Variants in STPG2 observed in about 807,000 individuals in gnomAD.
STPG2 encodes sperm tail PG-rich repeat containing 2, also known as sperm-tail PG-rich repeat-containing protein 2.
STPG2 carries 56 observed loss-of-function variants against 54.2 expected under a neutral mutation model. The ratio of observed to expected loss-of-function variants is 1.03; its 90% CI spans 0.83 to 1.29. The LOEUF is 1.29. STPG2 is among the 50% of genes most tolerant of loss of function. STPG2 has a pLI of 0.00. For missense variants in STPG2, 596 were observed against 544.9 expected (o/e 1.09, Z -0.93); for synonymous variants, 200 against 181.8 (o/e 1.10, Z -0.81).
intron 8 of STPG2, among the ~76,000 whole-genome samples, chr4:97,894,040 A>T (rs958393394): frequency 3.3e-5 from 5 of 152,040 alleles, no homozygotes; most frequent in African/African-American, 4.8e-5. Context: ...TCAATTATAT[A>T]GAGTATAAAG....
rs556559633 is a variant in STPG2, at chr4:97,499,091, A to G, written c.462+213608T>C. Reference sequence around the variant, plus strand: ...TCACGAGCCCTAGGAAAATCAGGATAAGTCTAACTACAAACAACTTACGTA... The same window carrying G: ...TCACGAGCCCTAGGAAAATCAGGATGAGTCTAACTACAAACAACTTACGTA... On this transcript the variant is annotated intron_variant, in intron 4 of 4. Coordinates refer to the STPG2 transcript ENST00000522676. Among the ~76,000 whole-genome samples, 4 of 152,114 alleles carry G rather than the reference A, an allele frequency of 2.6e-5. No homozygotes were observed. The East Asian group carries it at 7.8e-4, about 30-fold the overall frequency.
chr4:97,793,532 G>A (rs1175143385), intron 9 of STPG2, among the ~76,000 whole-genome samples: 1 of 151,852 alleles, frequency 6.6e-6, no homozygotes, highest in Non-Finnish European at 1.5e-5. Flanking sequence ...ATGAATGAGT[G>A]AATAAGAGTG....
intron 9 of STPG2, among the ~76,000 whole-genome samples, chr4:97,738,383 G>A (rs184752018): frequency 4.1e-4 from 63 of 152,236 alleles, no homozygotes; most frequent in African/African-American, 1.5e-3. Context: ...AACGTAAATG[G>A]ACTAAATGCT....
intron 8 of STPG2, among the ~76,000 whole-genome samples, chr4:97,853,285 T>C (rs1024237513): frequency 1.3e-5 from 2 of 152,146 alleles, no homozygotes; most frequent in Non-Finnish European, 2.9e-5. Flanking sequence ...TATTTTCTAA[T>C]GAATGAAATA....
At chr4:98,106,807 G>C (rs529426500) in intron 4 of STPG2, among the ~76,000 whole-genome samples, 290 of 152,256 alleles carry the variant, frequency 1.9e-3, no homozygotes, top group Non-Finnish European at 3.0e-3. Flanking sequence ...TAAGCACACA[G>C]TAACTGTTAG....
At chr4:97,937,809 C>T (rs995575618) in intron 8 of STPG2, among the ~76,000 whole-genome samples, 15 of 152,168 alleles carry the variant, frequency 9.9e-5, no homozygotes, top group Non-Finnish European at 4.4e-5. Context: ...TCAGTAGGAA[C>T]ACTCCTGTAT....
Position 98,050,187 on chromosome 4 carries a change from G to C in STPG2, c.612+55766C>G, listed in dbSNP as rs542325662. Among the ~76,000 whole-genome samples the C allele has an allele frequency of 6.6e-5, 10 of 152,054 alleles. No individual in the cohort carries two copies. The East Asian group carries it at 1.9e-3, about 29-fold the overall frequency. ...ATTTGAACACAAAGAAGCTAGCTGA[G>C]GATATTAAACTATTTTCATTTTATA... On this transcript the variant is annotated intron_variant, in intron 5 of 10. Coordinates refer to ENST00000295268, the MANE Select transcript of STPG2 (RefSeq NM_174952.3).
intron 4 of STPG2, among the ~76,000 whole-genome samples, chr4:97,461,247 C>T (rs1729653979): frequency 6.6e-6 from 1 of 151,918 alleles, no homozygotes; most frequent in African/African-American, 2.4e-5. Flanking sequence ...GGTTGTCTCT[C>T]TTTCTCTTTA....
intron 5 of STPG2, among the ~76,000 whole-genome samples, chr4:98,086,560 A>C (rs182471134): frequency 4.6e-5 from 7 of 151,724 alleles, no homozygotes; most frequent in Non-Finnish European, 8.8e-5. Flanking sequence ...ATCACTATCT[A>C]AATTCTCACT....
chr4:97,823,905 G>A (rs749048936), intron 9 of STPG2, among the ~76,000 whole-genome samples: 16 of 152,178 alleles, frequency 1.1e-4, no homozygotes, highest in Non-Finnish European at 2.1e-4. Flanking sequence ...ACCTGGGTTT[G>A]AGACCCAACT....
chr4:97,563,935 A>G (rs994132214), intron 10 of STPG2, among the ~76,000 whole-genome samples: 20 of 152,194 alleles, frequency 1.3e-4, no homozygotes, highest in African/African-American at 4.6e-4. Flanking sequence ...AGAGTTCTGT[A>G]GATGTCTACT....
At chr4:97,859,466 C>CTTTT (rs70953089) in intron 8 of STPG2, among the ~76,000 whole-genome samples, 4 of 129,088 alleles carry the variant, frequency 3.1e-5, no homozygotes, top group East Asian at 2.3e-4. Flanking sequence ...CTTTTCTTTT[C>CTTTT]TTTTTTTTTT....
chr4:97,827,396 C>T (rs751819354), intron 9 of STPG2, among the ~76,000 whole-genome samples: 11 of 151,866 alleles, frequency 7.2e-5, no homozygotes, highest in East Asian at 1.9e-4. Context: ...CCACCATGTC[C>T]GGATAATTTT....
At chr4:97,584,520 A>G (rs1732943135) in intron 10 of STPG2, among the ~76,000 whole-genome samples, 1 of 152,074 alleles carries the variant, frequency 6.6e-6, no homozygotes, top group Non-Finnish European at 1.5e-5. Context: ...AAAGAAAAGA[A>G]ATAACAAAGA....
chr4:97,746,704 A>G (rs1725429078), intron 9 of STPG2, among the ~76,000 whole-genome samples: 1 of 151,256 alleles, frequency 6.6e-6, no homozygotes, highest in Admixed American at 6.6e-5. Context: ...AACTAATTAT[A>G]CTGACAGCAC....
intron 10 of STPG2, among the ~76,000 whole-genome samples, chr4:97,670,228 A>G (rs1376708011): frequency 6.6e-6 from 1 of 152,132 alleles, no homozygotes; most frequent in Non-Finnish European, 1.5e-5. Context: ...GGTTTCTCAG[A>G]GTGATTTTCC....
intron 5 of STPG2, among the ~76,000 whole-genome samples, chr4:98,052,910 C>T (rs1737367400): frequency 6.6e-6 from 1 of 152,176 alleles, no homozygotes; most frequent in Non-Finnish European, 1.5e-5. Context: ...ATAGTAAATT[C>T]GGTGACTGAA....
At chr4:97,911,719 C>G (rs866502575) in intron 8 of STPG2, among the ~76,000 whole-genome samples, 13 of 152,154 alleles carry the variant, frequency 8.5e-5, no homozygotes, top group South Asian at 4.1e-4. Flanking sequence ...TGGGGAGAAG[C>G]GACAAAGGTC....
intron 10 of STPG2, among the ~76,000 whole-genome samples, chr4:97,704,162 G>T (rs371051411): frequency 1.3e-5 from 2 of 151,990 alleles, no homozygotes; most frequent in East Asian, 3.9e-4. Flanking sequence ...GACACACCCA[G>T]GATCAGTATT....
Sources: allele counts gnomAD v4.1 joint callset (sites outside exome capture counted in the v4.1 genomes callset), GRCh38; gene constraint gnomAD v4.1.1; transcripts MANE v1.5; gene names NCBI Gene and HGNC (gene_info 2026-07-23, HGNC 2026-07-21).